Variants in DAPK1 observed in about 807,000 individuals in gnomAD.
DAPK1 encodes the protein death associated protein kinase 1, also known as death-associated protein kinase 1.
A neutral mutation model predicts 144.9 loss-of-function variants in DAPK1; 56 were observed. The observed-to-expected ratio is 0.39, with a 90% confidence interval of 0.31 to 0.48. The LOEUF (loss-of-function observed/expected upper bound fraction) is 0.48, where lower values mean the gene tolerates loss of function less well. DAPK1 is among the 20% of genes least tolerant of loss of function. DAPK1 has a pLI of 0.95. For synonymous variants in DAPK1, 690 were observed against 749.0 expected (o/e 0.92, Z 1.29); for missense variants, 1,454 against 1,875.4 (o/e 0.78, Z 4.15).
At chr9:87,704,644 G>A (rs1290284217) in intron 25 of DAPK1, among the ~76,000 whole-genome samples, 1 of 152,234 alleles carries the variant, frequency 6.6e-6, no homozygotes, top group Non-Finnish European at 1.5e-5. Context: ...CTGAGCCTGA[G>A]GCGATGAGCA....
chr9:87,522,907 T>G (rs1419239825), intron 2 of DAPK1, among the ~76,000 whole-genome samples: 1 of 152,100 alleles, frequency 6.6e-6, no homozygotes, highest in Non-Finnish European at 1.5e-5. Flanking sequence ...GAACTTTCTA[T>G]TCATACTCTT....
At chr9:87,593,127 C>T (rs928997718) in intron 2 of DAPK1, among the ~76,000 whole-genome samples, 4 of 152,214 alleles carry the variant, frequency 2.6e-5, no homozygotes, top group Non-Finnish European at 5.9e-5. Flanking sequence ...CTTGGCTACC[C>T]TCAGTTGTAT....
chr9:87,543,113 TTAAAA>T (rs745361750), intron 2 of DAPK1, among the ~76,000 whole-genome samples: 101 of 152,334 alleles, frequency 6.6e-4, no homozygotes, highest in Non-Finnish European at 6.5e-4. Context: ...TTAGAGAATG[TTAAAA>T]TAAAAGAACA....
intron 2 of DAPK1, among the ~76,000 whole-genome samples, chr9:87,512,366 T>C (rs1824880564): frequency 6.6e-6 from 1 of 152,168 alleles, no homozygotes; most frequent in Non-Finnish European, 1.5e-5. Flanking sequence ...AGAGAAGCCT[T>C]GTGCAGCATG....
At chr9:87,701,996 C>T in intron 24 of DAPK1, 1 of 391,894 alleles carries the variant, frequency 2.6e-6, no homozygotes, top group South Asian at 2.0e-5. Context: ...TGTGCTTCCC[C>T]ACCAGGTCTG....
intron 21 of DAPK1, among the ~76,000 whole-genome samples, chr9:87,690,452 C>T (rs1825014469): frequency 6.6e-6 from 1 of 151,972 alleles, no homozygotes; most frequent in Non-Finnish European, 1.5e-5. Context: ...GACCATATCA[C>T]TTGCAAAGAG....
At chr9:87,602,853 C>T (rs539075545) in intron 2 of DAPK1, among the ~76,000 whole-genome samples, 2 of 152,080 alleles carry the variant, frequency 1.3e-5, no homozygotes, top group African/African-American at 2.4e-5. Flanking sequence ...AGGCTGGTCT[C>T]GAACTCCTGA....
chr9:87,567,772 C>G (rs559655790), intron 2 of DAPK1, among the ~76,000 whole-genome samples: 1 of 152,132 alleles, frequency 6.6e-6, no homozygotes, highest in Non-Finnish European at 1.5e-5. Flanking sequence ...CCCCACCCCA[C>G]CGGACCTCCC....
chr9:87,700,241 A>G lies in DAPK1; in HGVS notation c.2871+4A>G, dbSNP rs1338720396. ...AATACGAAGCCAGATTGTTTCGGTA[A>G]GTACACCATGGAAAGAGCCTGGACC... On this transcript the variant is annotated splice_donor_region_variant and intron_variant, in intron 24 of 25. Transcript: ENST00000408954. 8 of 1,611,230 alleles carry G rather than the reference A, an allele frequency of 5.0e-6. No individual in the cohort carries two copies. The African/African-American group carries it at 1.1e-4, about 22-fold the overall frequency.
intron 24 of DAPK1, chr9:87,701,722 T>A (rs1587855687): frequency 3.2e-5 from 1 of 30,876 alleles, no homozygotes; most frequent in Non-Finnish European, 8.7e-5. Context: ...CTGGGTGTAT[T>A]TTTTTTTTTT....
rs180947113 is a variant in DAPK1, at chr9:87,622,782, G to A, written c.285-15161G>A. Among the ~76,000 whole-genome samples the A allele has an allele frequency of 9.3e-4, 142 of 152,040 alleles. 1 individual carries two copies. In the East Asian group the frequency reaches 0.017, roughly 19 times the overall value. On this transcript the variant is annotated intron_variant, in intron 3 of 25. Transcript: ENST00000408954. ...AAAAATCAGCCGGGTGTGGTGGGGC[G>A]CACCTGTAATCCCAGCTACTCGGGA... is the stretch of plus-strand genomic sequence containing the variant.
chr9:87,686,162 G>C lies in DAPK1; in HGVS notation c.2225-389G>C, dbSNP rs1187201727. 6.6e-6 allele frequency among the ~76,000 whole-genome samples: 1 copy of C among 152,182 alleles called. No individual in the cohort carries two copies. Among genetic ancestry groups the C allele is most frequent in the Non-Finnish European group, 1.5e-5 (1 of 68,040 alleles). On this transcript the variant is annotated intron_variant, in intron 20 of 25. Transcript: ENST00000408954. The surrounding 1 kb of genome is among the most constrained non-coding windows in gnomAD (Gnocchi z 4.2). ...TCAGTGGGAGCTGGAGGAAGACAGA[G>C]ACTGCGAGTATCAGCAAAGTAGCAG...
At chr9:87,607,244 C>G (rs746412420) in intron 3 of DAPK1, among the ~76,000 whole-genome samples, 1 of 152,126 alleles carries the variant, frequency 6.6e-6, no homozygotes, top group Admixed American at 6.5e-5. Flanking sequence ...GGGAACCAGA[C>G]AGAACTGGGA....
intron 19 of DAPK1, among the ~76,000 whole-genome samples, chr9:87,680,878 T>C (rs1824590974): frequency 1.3e-5 from 2 of 152,238 alleles, no homozygotes; most frequent in Non-Finnish European, 2.9e-5. Flanking sequence ...GTGATGGTCC[T>C]GCAGCACTGA....
chr9:87,588,303 A>G (rs1315695024), intron 2 of DAPK1, among the ~76,000 whole-genome samples: 1 of 152,190 alleles, frequency 6.6e-6, no homozygotes, highest in Non-Finnish European at 1.5e-5. Context: ...ACCTAAACCT[A>G]TTAGGGATCC....
At chr9:87,525,244 TA>T in intron 2 of DAPK1, 5 of 1,315,780 alleles carry the variant, frequency 3.8e-6, no homozygotes, top group Non-Finnish European at 3.3e-6. Flanking sequence ...AGTGCTTACC[TA>T]AAAAATGCGT....
intron 25 of DAPK1, among the ~76,000 whole-genome samples, chr9:87,703,470 G>A (rs1449488228): frequency 2.0e-5 from 3 of 151,790 alleles, no homozygotes; most frequent in Admixed American, 2.0e-4. Context: ...TGTTAGTTTG[G>A]GAGTGCAGTG....
intron 3 of DAPK1, among the ~76,000 whole-genome samples, chr9:87,627,458 T>A (rs1829530532): frequency 6.6e-6 from 1 of 152,004 alleles, no homozygotes; most frequent in Admixed American, 6.6e-5. Flanking sequence ...GGCCAACACC[T>A]CCTCCCTGCT....
intron 3 of DAPK1, among the ~76,000 whole-genome samples, chr9:87,613,552 G>C (rs1828999676): frequency 6.6e-6 from 1 of 151,728 alleles, no homozygotes; most frequent in Non-Finnish European, 1.5e-5. Flanking sequence ...ATACAACTTT[G>C]TTTTTCATTG....
Sources: gnomAD v4.1 joint callset for allele counts (sites outside exome capture counted in the v4.1 genomes callset) on GRCh38, gnomAD v4.1.1 for gene constraint, Gnocchi (gnomAD v3.1) non-coding constraint, MANE v1.5 for transcripts, NCBI Gene and HGNC (gene_info 2026-07-23, HGNC 2026-07-21) for gene names.